Variants in RUNX2 observed in about 807,000 individuals in gnomAD.
The protein encoded by RUNX2 is RUNX family transcription factor 2.
RUNX2 carries 10 observed loss-of-function variants against 51.7 expected under a neutral mutation model. The observed-to-expected ratio is 0.19, with a 90% confidence interval of 0.12 to 0.33. RUNX2 has a LOEUF of 0.33. RUNX2 is among the 10% of genes least tolerant of loss of function. The pLI is 1.00. For synonymous variants in RUNX2, 276 were observed against 273.6 expected (o/e 1.01, Z -0.09); for missense variants, 562 against 691.3 (o/e 0.81, Z 2.10).
intron 5 of RUNX2, among the ~76,000 whole-genome samples, chr6:45,466,035 C>T (rs114912092): frequency 3.6e-3 from 555 of 152,146 alleles, no homozygotes; most frequent in African/African-American, 0.012. Context: ...AAAAATAGGC[C>T]GAGTGCAGTG....
At chr6:45,331,124 TGTGC>T (rs59491932) in intron 2 of RUNX2, among the ~76,000 whole-genome samples, 2,396 of 150,750 alleles carry the variant, frequency 0.016, 67 homozygotes, top group African/African-American at 0.056. Flanking sequence ...TGTGTGTGTG[TGTGC>T]GCGCGCGCGC....
chr6:45,466,237 A>G (rs928832975), intron 5 of RUNX2, among the ~76,000 whole-genome samples: 1 of 151,802 alleles, frequency 6.6e-6, no homozygotes, highest in Non-Finnish European at 1.5e-5. Context: ...CGCTTGAACC[A>G]GGGAGGCTGA....
At chr6:45,424,542 T>TA (rs575439445) in intron 3 of RUNX2, among the ~76,000 whole-genome samples, 7 of 147,502 alleles carry the variant, frequency 4.7e-5, no homozygotes, top group Non-Finnish European at 6.0e-5. Context: ...TGGGGGAGGT[T>TA]AAAAAAAAAA....
Position 45,376,480 on chromosome 6 carries a change from T to C in RUNX2, c.59-46113T>C, listed in dbSNP as rs144957312. 2.2e-3 allele frequency among the ~76,000 whole-genome samples: 338 copies of C among 152,342 alleles called. 1 individual carries two copies. Among genetic ancestry groups the C allele is most frequent in the African/African-American group, 7.8e-3 (324 of 41,574 alleles). ...AAATTAAGTTCCTCAGTGACACTTA[T>C]CACATTTCAAGTGCTGAAGAGCCAC... On this transcript the variant is annotated intron_variant, in intron 2 of 8. Transcript: ENST00000647337.
chr6:45,339,678 G>C (rs1789352899), intron 2 of RUNX2, among the ~76,000 whole-genome samples: 1 of 151,974 alleles, frequency 6.6e-6, no homozygotes, highest in South Asian at 2.1e-4. Flanking sequence ...TTTCTATTAG[G>C]TTCAAATAGC....
chr6:45,410,139 G>A (rs1797918649), intron 2 of RUNX2, among the ~76,000 whole-genome samples: 1 of 152,172 alleles, frequency 6.6e-6, no homozygotes, highest in African/African-American at 2.4e-5. Flanking sequence ...TTGTATGATA[G>A]ATGATATGGA....
At position 45,422,973 on chromosome 6, in the gene RUNX2, GC is replaced by G; in HGVS notation, c.423+22del. The G allele has an allele frequency of 1.1e-5, 17 of 1,604,406 alleles. No individual in the cohort carries two copies. The highest frequency in any genetic ancestry group is 1.4e-5 in the Non-Finnish European group (16 of 1,177,886). ...GGCCTTCAAGGTAAGAGGCTACACCGCCCCCCGCCCCCGGCCGGGAGCGGCG... is the reference window on the plus strand; with the variant it reads ...GGCCTTCAAGGTAAGAGGCTACACCGCCCCCGCCCCCGGCCGGGAGCGGCG... On this transcript the variant is annotated intron_variant, in intron 3 of 8. Coordinates refer to ENST00000647337, the MANE Select transcript of RUNX2 (RefSeq NM_001024630.4).
At chr6:45,331,988 T>C (rs566924104) in intron 2 of RUNX2, among the ~76,000 whole-genome samples, 3 of 152,086 alleles carry the variant, frequency 2.0e-5, no homozygotes, top group South Asian at 4.1e-4. Flanking sequence ...AGCTAACTCA[T>C]TGAAGGCACT....
At chr6:45,419,385 G>C in intron 2 of RUNX2, among the ~76,000 whole-genome samples, 1 of 151,382 alleles carries the variant, frequency 6.6e-6, no homozygotes, top group East Asian at 1.9e-4. Context: ...ATCTCTGTTA[G>C]ACAGTGGCAC....
intron 4 of RUNX2, among the ~76,000 whole-genome samples, chr6:45,433,466 C>T (rs945118978): frequency 4.0e-5 from 6 of 151,748 alleles, no homozygotes; most frequent in African/African-American, 1.5e-4. Flanking sequence ...CTCTGAATTG[C>T]ATCTTTCTTC....
chr6:45,540,328 A>C (rs1337332409), intron 7 of RUNX2, among the ~76,000 whole-genome samples: 1 of 152,172 alleles, frequency 6.6e-6, no homozygotes, highest in African/African-American at 2.4e-5. Flanking sequence ...AAAGGCAGTA[A>C]GTGGAAGAAT....
At chr6:45,432,065 G>A in intron 4 of RUNX2, 46 bp downstream of exon 4, 1 of 1,576,414 alleles carries the variant, frequency 6.3e-7, no homozygotes, top group South Asian at 1.1e-5. Flanking sequence ...AGCACATTAG[G>A]CTCCTTTGAT....
intron 3 of RUNX2, among the ~76,000 whole-genome samples, chr6:45,426,692 A>G (rs1798391496): frequency 6.6e-6 from 1 of 152,242 alleles, no homozygotes; most frequent in Non-Finnish European, 1.5e-5. Flanking sequence ...TAAAGAAAGA[A>G]AACACATTTT....
At chr6:45,385,883 A>G (rs1797336884) in intron 2 of RUNX2, among the ~76,000 whole-genome samples, 1 of 151,998 alleles carries the variant, frequency 6.6e-6, no homozygotes, top group Admixed American at 6.6e-5. Context: ...CTTGGTGAAA[A>G]AGCACTCCTG....
intron 2 of RUNX2, among the ~76,000 whole-genome samples, chr6:45,378,983 G>C (rs1797146676): frequency 6.6e-6 from 1 of 152,138 alleles, no homozygotes; most frequent in South Asian, 2.1e-4. Context: ...CCCTCACCAA[G>C]TCTTTTTAAG....
At chr6:45,496,122 A>C (rs536192754) in intron 6 of RUNX2, among the ~76,000 whole-genome samples, 9 of 152,278 alleles carry the variant, frequency 5.9e-5, no homozygotes, top group African/African-American at 2.2e-4. Context: ...TTTGATTCAG[A>C]AAGCGGCGAT....
chr6:45,519,806 G>A lies in RUNX2; in HGVS notation c.1021+7399G>A, dbSNP rs1328305747. On this transcript the variant is annotated intron_variant, in intron 7 of 8. Transcript: ENST00000647337. Reference sequence around the variant, plus strand: ...TATATATATATGTGTGTGTGTGTGTGTGTGTGTGTGTGTGTGTGTGTGTGT... The same window carrying A: ...TATATATATATGTGTGTGTGTGTGTATGTGTGTGTGTGTGTGTGTGTGTGT... Among the ~76,000 whole-genome samples, 230 of 118,374 alleles carry A rather than the reference G, an allele frequency of 1.9e-3. 1 individual carries two copies. The highest frequency in any genetic ancestry group is 5.6e-3 in the African/African-American group (207 of 37,026). 77.7% of individuals were successfully genotyped at this position (118,374 alleles called of 152,430 possible).
At chr6:45,347,709 G>A (rs1315210957) in intron 2 of RUNX2, among the ~76,000 whole-genome samples, 2 of 151,138 alleles carry the variant, frequency 1.3e-5, no homozygotes, top group African/African-American at 4.9e-5. Flanking sequence ...ATAGAAGAGT[G>A]AAATCCAAAT....
At chr6:45,352,488 A>G (rs1202890157) in intron 2 of RUNX2, among the ~76,000 whole-genome samples, 1 of 150,934 alleles carries the variant, frequency 6.6e-6, no homozygotes, top group Non-Finnish European at 1.5e-5. Context: ...CTGGTATGAC[A>G]GCAACAAAAT....
Sources: allele counts gnomAD v4.1 joint callset (sites outside exome capture counted in the v4.1 genomes callset), GRCh38; gene constraint gnomAD v4.1.1; transcripts MANE v1.5; gene names NCBI Gene and HGNC (gene_info 2026-07-23, HGNC 2026-07-21).